RRP15: variants seen among roughly 807,000 people sequenced by gnomAD.
RRP15 encodes the protein ribosomal RNA processing 15 homolog.
Under a neutral mutation model 27.1 loss-of-function variants are expected in RRP15, and 18 were observed. The observed-to-expected ratio is 0.66, with a 90% CI of 0.46 to 0.98. The LOEUF is 0.98. Ranked by LOEUF, RRP15 falls within the 50% of genes least tolerant of loss-of-function variation. The pLI, the probability that RRP15 is intolerant of heterozygous loss-of-function variation, is 0.00. For synonymous variants in RRP15, 107 were observed against 109.4 expected, an observed-to-expected ratio of 0.98 and a Z score of 0.14; for missense variants, 359 against 337.8, an observed-to-expected ratio of 1.06 and a Z score of -0.49.
At chr1:218,306,416 C>CG (rs557257337) in intron 3 of RRP15, among the ~76,000 whole-genome samples, 4 of 152,006 alleles carry the variant, frequency 2.6e-5, no homozygotes, top group Non-Finnish European at 5.9e-5. Flanking sequence ...TGCTCTTTGT[C>CG]GGGGGGAGAT....
intron 4 of RRP15, among the ~76,000 whole-genome samples, chr1:218,315,438 G>T (rs755943795): frequency 2.0e-5 from 3 of 151,790 alleles, no homozygotes; most frequent in Non-Finnish European, 4.4e-5. Flanking sequence ...TTTACTTTTG[G>T]TTTTTCTAAG....
intron 2 of RRP15, among the ~76,000 whole-genome samples, chr1:218,303,080 G>A (rs948642971): frequency 1.8e-4 from 28 of 152,142 alleles, no homozygotes; most frequent in Admixed American, 1.8e-3. Flanking sequence ...GATGATAGTT[G>A]TTAGACTAGG....
intron 4 of RRP15, among the ~76,000 whole-genome samples, chr1:218,324,160 GTC>G (rs1377694389): frequency 6.6e-6 from 1 of 152,148 alleles, no homozygotes; most frequent in African/African-American, 2.4e-5. Flanking sequence ...GGGTGACTTA[GTC>G]TGGCCCCATC....
At chr1:218,317,905 AT>A (rs1001629586) in intron 4 of RRP15, among the ~76,000 whole-genome samples, 4 of 150,526 alleles carry the variant, frequency 2.7e-5, no homozygotes, top group African/African-American at 4.9e-5. Flanking sequence ...TTGATTTAAA[AT>A]TTTTTTTTCT....
chr1:218,304,218 C>T (rs1020209918), intron 2 of RRP15, among the ~76,000 whole-genome samples: 15 of 152,204 alleles, frequency 9.9e-5, no homozygotes, highest in Admixed American at 7.2e-4. Flanking sequence ...TTAATAAAAA[C>T]GTTGTCTTTA....
At chr1:218,307,284 T>A in intron 3 of RRP15, 147 bp from the exon 4 acceptor site, 1 of 598,806 alleles carries the variant, frequency 1.7e-6, no homozygotes, top group East Asian at 2.9e-5. Context: ...TCAAATGTAT[T>A]TAACCACTTA....
chr1:218,329,564 G>C (rs1463118782), intron 4 of RRP15, among the ~76,000 whole-genome samples: 1 of 152,308 alleles, frequency 6.6e-6, no homozygotes, highest in East Asian at 1.9e-4. Context: ...TCAGTGTGAC[G>C]TGAGAAGCAT....
At chr1:218,329,644 T>C (rs911388459) in intron 4 of RRP15, among the ~76,000 whole-genome samples, 3 of 152,208 alleles carry the variant, frequency 2.0e-5, no homozygotes, top group Non-Finnish European at 2.9e-5. Flanking sequence ...TTGGGTAAAT[T>C]ATAGTAAAAA....
chr1:218,314,622 T>C (rs1445084892), intron 4 of RRP15, among the ~76,000 whole-genome samples: 1 of 152,178 alleles, frequency 6.6e-6, no homozygotes, highest in Non-Finnish European at 1.5e-5. Context: ...AATATATCAA[T>C]TTCAGGTTTT....
chr1:218,302,541 A>G lies in RRP15; in HGVS notation c.387A>G (p.Arg129=). 1.9e-6 allele frequency: 3 copies of G among 1,612,450 alleles called. No homozygotes were observed. Among genetic ancestry groups the G allele is most frequent in the Non-Finnish European group, 2.5e-6 (3 of 1,179,524 alleles). ...AAAAAGAAAAGTTAAAGCAAGAAAG[A>G]CTAGAGAAAATAAAACAGGTATGTT... The part of the protein sequence containing the change: ...EKEKEKLKQE[R]LEKIKQRDKR... The change falls in exon 2 of 5, where the codon AGA becomes AGG. Residue 129 remains arginine, a synonymous_variant. Coordinates refer to ENST00000366932, the MANE Select transcript of RRP15 (RefSeq NM_016052.4).
intron 1 of RRP15, chr1:218,301,138 C>T (rs772497193): frequency 4.6e-5 from 7 of 152,178 alleles, no homozygotes; most frequent in Non-Finnish European, 1.0e-4. Context: ...GTTTTGGAGT[C>T]ATCCAAAGAA....
chr1:218,314,286 C>A (rs1197391631), intron 4 of RRP15, among the ~76,000 whole-genome samples: 3 of 152,116 alleles, frequency 2.0e-5, no homozygotes, highest in South Asian at 4.1e-4. Flanking sequence ...TACCTCTGTT[C>A]CTCTATTCAA....
At chr1:218,297,631 C>T (rs766864867) in intron 1 of RRP15, among the ~76,000 whole-genome samples, 1 of 152,078 alleles carries the variant, frequency 6.6e-6, no homozygotes, top group African/African-American at 2.4e-5. Flanking sequence ...TCCTCAATCA[C>T]GTTTTTACCG....
chr1:218,316,911 AT>A (rs1312300534), intron 4 of RRP15, among the ~76,000 whole-genome samples: 1 of 152,240 alleles, frequency 6.6e-6, no homozygotes, highest in African/African-American at 2.4e-5. Context: ...TTATGTTTAG[AT>A]TTGGATATTC....
chr1:218,312,809 AG>A (rs1656023839), intron 4 of RRP15, among the ~76,000 whole-genome samples: 1 of 152,204 alleles, frequency 6.6e-6, no homozygotes, highest in Non-Finnish European at 1.5e-5. Context: ...AAACATGGTA[AG>A]GGGGAAAAAG....
intron 4 of RRP15, among the ~76,000 whole-genome samples, chr1:218,314,304 T>A (rs1218025160): frequency 6.6e-6 from 1 of 152,212 alleles, no homozygotes; most frequent in Non-Finnish European, 1.5e-5. Flanking sequence ...CAAAACATGT[T>A]CTTATCTAGA....
chr1:218,291,833 C>A (rs1322798030), intron 1 of RRP15, among the ~76,000 whole-genome samples: 1 of 150,734 alleles, frequency 6.6e-6, no homozygotes, highest in Non-Finnish European at 1.5e-5. Context: ...GCTGGCCCCC[C>A]ACTCCCCACC....
rs1036013007 is a variant in RRP15 at position 218,334,370 on chromosome 1, A to G, written c.*3279A>G. 3 of 152,180 alleles carry G rather than the reference A, an allele frequency of 2.0e-5. No individual in the cohort carries two copies. Among genetic ancestry groups the G allele is most frequent in the Non-Finnish European group, 2.9e-5 (2 of 68,018 alleles). 9.4% of individuals were successfully genotyped at this position (152,180 alleles called of 1,614,324 possible). Reference sequence around the variant, plus strand: ...CAAAGGTCTATTTGAAGGCAATCCAATTTCTTTAAAATAAAATATTTTTTG... The same window carrying G: ...CAAAGGTCTATTTGAAGGCAATCCAGTTTCTTTAAAATAAAATATTTTTTG... On this transcript the variant is annotated 3_prime_UTR_variant, in exon 5 of 5. Transcript: ENST00000366932.
At chr1:218,296,020 GGAGCAGTAGTTTTAGA>G (rs1655713343) in intron 1 of RRP15, among the ~76,000 whole-genome samples, 1 of 152,084 alleles carries the variant, frequency 6.6e-6, no homozygotes, top group African/African-American at 2.4e-5. Context: ...AGCTGAATGG[GGAGCAGTAGTTTTAGA>G]GAGCCTTGAA....
Sources: allele counts gnomAD v4.1 joint callset (sites outside exome capture counted in the v4.1 genomes callset), GRCh38; gene constraint gnomAD v4.1.1; transcripts MANE v1.5; gene names NCBI Gene and HGNC (gene_info 2026-07-23, HGNC 2026-07-21).